Variants in PLEKHA7 observed in about 807,000 individuals in gnomAD.
PLEKHA7 encodes the protein pleckstrin homology domain containing A7.
In PLEKHA7, 104 loss-of-function variants were observed where a neutral mutation model predicts 170.0. The observed-to-expected ratio is 0.61, with a 90% CI of 0.52 to 0.72. The LOEUF is 0.72. Ranked by LOEUF, PLEKHA7 falls within the 30% of genes least tolerant of loss-of-function variation. The probability of loss-of-function intolerance (pLI) is 0.00; values close to 1 mark genes in which losing one functional copy is unlikely to be tolerated. For synonymous variants in PLEKHA7, 648 were observed against 660.8 expected, an observed-to-expected ratio of 0.98 and a Z score of 0.30; for missense variants, 1,615 against 1,671.7, an observed-to-expected ratio of 0.97 and a Z score of 0.59.
At chr11:17,007,007 C>T (rs1417772714) in intron 3 of PLEKHA7, among the ~76,000 whole-genome samples, 1 of 152,254 alleles carries the variant, frequency 6.6e-6, no homozygotes, top group Non-Finnish European at 1.5e-5. Flanking sequence ...AGGTAACCTT[C>T]TGAAGGACTC....
At chr11:16,910,528 G>A (rs59258722) in intron 3 of PLEKHA7, among the ~76,000 whole-genome samples, 15,924 of 152,258 alleles carry the variant, frequency 0.1, 971 homozygotes, top group Non-Finnish European at 0.13. Flanking sequence ...AATGTCATGG[G>A]ATACCACTAG....
intron 9 of PLEKHA7, among the ~76,000 whole-genome samples, chr11:16,840,429 G>A (rs186973359): frequency 2.0e-5 from 3 of 151,998 alleles, no homozygotes; most frequent in Non-Finnish European, 4.4e-5. Context: ...GCGTGGTGGC[G>A]GGCACCTGTA....
intron 3 of PLEKHA7, among the ~76,000 whole-genome samples, chr11:16,996,891 G>A (rs1362794832): frequency 1.5e-4 from 23 of 151,870 alleles, no homozygotes; most frequent in Non-Finnish European, 2.8e-4. Context: ...AGCCAAGATC[G>A]TGCCACTGCA....
At position 16,794,521 on chromosome 11, in the gene PLEKHA7, G is replaced by C. The variant is rs147188386; in HGVS notation, c.2712C>G (p.Pro904=). The part of the protein sequence containing the change: ...HPPQLRKVTS[P]LQSPTKAKPK... ...GCTTCGCCTTAGTTGGTGACTGAAG[G>C]GGGGATGTCACTTTCCTCAGCTGGG... Residue 904 remains proline, a synonymous_variant, in exon 19 of 27, where the codon CCC becomes CCG. Transcript: ENST00000531066. The C allele has an allele frequency of 8.1e-6, 13 of 1,613,934 alleles. No individual in the cohort carries two copies. Among genetic ancestry groups the C allele is most frequent in the Admixed American group, 5.0e-5 (3 of 59,998 alleles).
rs139046651 is a variant in PLEKHA7 at position 16,913,323 on chromosome 11, C to G, written c.222-42141G>C. Among the ~76,000 whole-genome samples, 257 of 152,284 alleles carry G rather than the reference C, an allele frequency of 1.7e-3. 2 individuals are homozygous for G. Among genetic ancestry groups the G allele is most frequent in the African/African-American group, 5.9e-3 (245 of 41,572 alleles). ...CCACTCTGAATGCTAATTGCCCCCA[C>G]AAGTTCTGCAGAGGGCGCGGGAGAT... On this transcript the variant is annotated intron_variant, in intron 3 of 26. Coordinates refer to ENST00000531066, the MANE Select transcript of PLEKHA7 (RefSeq NM_001329630.2).
At chr11:16,948,677 C>T (rs1245978794) in intron 3 of PLEKHA7, among the ~76,000 whole-genome samples, 1 of 152,152 alleles carries the variant, frequency 6.6e-6, no homozygotes, top group South Asian at 2.1e-4. Flanking sequence ...CACACACAGA[C>T]ACCCCTCAGC....
chr11:16,907,497 C>A lies in PLEKHA7; in HGVS notation c.222-36315G>T, dbSNP rs1184672876. Among the ~76,000 whole-genome samples the A allele has an allele frequency of 1.9e-4, 22 of 118,890 alleles. 1 individual carries two copies. In the South Asian group the frequency reaches 4.9e-3, roughly 26 times the overall value. The allele number at this position is 118,890 out of a possible 152,430, so 78.0% of individuals were successfully genotyped here. ...AGCCCCTCTGCCCGGCCAGCCGCCC[C>A]GTCCGGGAGGGAGGCGGGGAGGTCA... On this transcript the variant is annotated intron_variant, in intron 3 of 26. Coordinates refer to ENST00000531066, the MANE Select transcript of PLEKHA7 (RefSeq NM_001329630.2).
intron 3 of PLEKHA7, among the ~76,000 whole-genome samples, chr11:16,943,307 T>C (rs1225719614): frequency 6.6e-6 from 1 of 152,192 alleles, no homozygotes; most frequent in African/African-American, 2.4e-5. Flanking sequence ...GTATTTCACA[T>C]TGACAGCACA....
chr11:16,863,476 G>A (rs1040486566), intron 4 of PLEKHA7, among the ~76,000 whole-genome samples: 1 of 152,110 alleles, frequency 6.6e-6, no homozygotes, highest in East Asian at 1.9e-4. Flanking sequence ...CCTTGCAGCT[G>A]GCGTCTCAGC....
intron 8 of PLEKHA7, chr11:16,842,618 CAAAAA>C: frequency 7.1e-6 from 1 of 140,590 alleles, no homozygotes; most frequent in East Asian, 2.1e-4. Context: ...AAAAAAATCT[CAAAAA>C]AAGGTACTCA....
rs1162674259 is a variant in PLEKHA7, at chr11:17,014,202, C to G, written c.87-1G>C. The stretch of plus-strand genomic sequence containing the variant: ...CCAGGTCGTGCAGCGGAGCTGGTCA[C>G]TGCGGGCAGAGAGGTGCACCTGTTA... On this transcript the variant is annotated splice_acceptor_variant, in intron 1 of 26. Transcript: ENST00000531066. LOFTEE classifies it high-confidence loss of function. The G allele has an allele frequency of 3.8e-6, 6 of 1,582,762 alleles. No individual in the cohort carries two copies. The highest frequency in any genetic ancestry group is 5.1e-6 in the Non-Finnish European group (6 of 1,167,386).
At chr11:16,969,044 T>C (rs2136693491) in intron 3 of PLEKHA7, among the ~76,000 whole-genome samples, 2 of 152,284 alleles carry the variant, frequency 1.3e-5, no homozygotes, top group Middle Eastern at 6.8e-3. Flanking sequence ...AGGCCGAGCT[T>C]ATGGGCCATG....
intron 3 of PLEKHA7, among the ~76,000 whole-genome samples, chr11:17,008,590 A>C (rs1865151184): frequency 1.3e-5 from 2 of 152,106 alleles, no homozygotes; most frequent in African/African-American, 4.8e-5. Context: ...ATACCTAGAA[A>C]ACTCATTGGG....
At chr11:16,822,423 G>T (rs954987848) in intron 10 of PLEKHA7, among the ~76,000 whole-genome samples, 1 of 148,900 alleles carries the variant, frequency 6.7e-6, no homozygotes, top group African/African-American at 2.5e-5. Context: ...CAAAAGACCC[G>T]TGAGGTTCTG....
At chr11:16,902,253 G>C (rs141320286) in intron 3 of PLEKHA7, among the ~76,000 whole-genome samples, 63 of 152,250 alleles carry the variant, frequency 4.1e-4, no homozygotes, top group African/African-American at 1.4e-3. Flanking sequence ...ATCAGTTGAC[G>C]GACTTTGGGT....
intron 3 of PLEKHA7, among the ~76,000 whole-genome samples, chr11:16,903,427 G>A (rs563616483): frequency 3.9e-5 from 6 of 152,186 alleles, no homozygotes; most frequent in Non-Finnish European, 8.8e-5. Context: ...CCCAGGGAAG[G>A]CTGAGATCAG....
At chr11:16,840,560 G>GAAA (rs532488201) in intron 9 of PLEKHA7, among the ~76,000 whole-genome samples, 1 of 152,052 alleles carries the variant, frequency 6.6e-6, no homozygotes, top group Non-Finnish European at 1.5e-5. Context: ...GACTCTGTCT[G>GAAA]AAAACAAAAC....
At chr11:16,838,364 C>T (rs1851682945) in intron 9 of PLEKHA7, among the ~76,000 whole-genome samples, 1 of 151,820 alleles carries the variant, frequency 6.6e-6, no homozygotes, top group African/African-American at 2.4e-5. Context: ...TAAAATTAGC[C>T]AGGCATGATG....
At chr11:16,859,497 C>T (rs935736471) in intron 4 of PLEKHA7, among the ~76,000 whole-genome samples, 1 of 152,172 alleles carries the variant, frequency 6.6e-6, no homozygotes, top group Non-Finnish European at 1.5e-5. Flanking sequence ...GGTGATTTAC[C>T]ACAATGGGTA....
Sources: gnomAD v4.1 joint callset for allele counts (sites outside exome capture counted in the v4.1 genomes callset) on GRCh38, gnomAD v4.1.1 for gene constraint, MANE v1.5 for transcripts, NCBI Gene and HGNC (gene_info 2026-07-23, HGNC 2026-07-21) for gene names.